The following ELP3 variants were observed in gnomAD, a reference collection of about 807,000 sequenced individuals.
ELP3 encodes the protein elongator acetyltransferase complex subunit 3.
ELP3 carries 56 observed loss-of-function variants against 74.9 expected under a neutral mutation model. The observed-to-expected ratio is 0.75, with a 90% CI of 0.60 to 0.93. ELP3 has a LOEUF of 0.93. Ranked by LOEUF, ELP3 falls within the 40% of genes least tolerant of loss-of-function variation. The pLI is 0.00. For synonymous variants in ELP3, 222 were observed against 239.8 expected, an observed-to-expected ratio of 0.93 and a Z score of 0.68; for missense variants, 573 against 686.5, an observed-to-expected ratio of 0.83 and a Z score of 1.85.
intron 3 of ELP3, among the ~76,000 whole-genome samples, chr8:28,104,990 G>A (rs57145040): frequency 0.075 from 11,478 of 152,234 alleles, 833 homozygotes; most frequent in East Asian, 0.33. Context: ...AATTATTGTG[G>A]ACTTGACCAG....
At chr8:28,129,990 A>G (rs748970658) in intron 8 of ELP3, among the ~76,000 whole-genome samples, 1 of 152,220 alleles carries the variant, frequency 6.6e-6, no homozygotes, top group Non-Finnish European at 1.5e-5. Flanking sequence ...GGCCAAGAAC[A>G]AAGAAAAGAG....
intron 7 of ELP3, among the ~76,000 whole-genome samples, chr8:28,119,575 TATATA>T (rs1563257203): frequency 0.03 from 8 of 268 alleles, no homozygotes; most frequent in African/African-American, 0.053. Context: ...TGGCGTTTTA[TATATA>T]TATATATATA....
At chr8:28,182,314 C>G (rs1815046161) in intron 14 of ELP3, among the ~76,000 whole-genome samples, 1 of 152,156 alleles carries the variant, frequency 6.6e-6, no homozygotes, top group African/African-American at 2.4e-5. Context: ...AATCCCAGCA[C>G]GTTGGGAGGC....
intron 1 of ELP3, among the ~76,000 whole-genome samples, chr8:28,094,305 A>G (rs1368669011): frequency 6.6e-6 from 1 of 152,208 alleles, no homozygotes; most frequent in Admixed American, 6.5e-5. Flanking sequence ...CTTCATCACT[A>G]ACTAATATTT....
chr8:28,114,125 A>C (rs1269563808), intron 7 of ELP3, among the ~76,000 whole-genome samples: 1 of 151,586 alleles, frequency 6.6e-6, no homozygotes, highest in Non-Finnish European at 1.5e-5. Context: ...TATTTAACAA[A>C]TCCTTCTTGA....
chr8:28,167,313 G>C (rs577428816), intron 14 of ELP3, among the ~76,000 whole-genome samples: 1 of 152,300 alleles, frequency 6.6e-6, no homozygotes, highest in East Asian at 1.9e-4. Flanking sequence ...GCAGTTAATG[G>C]TCTTGTTTGC....
At chr8:28,183,347 A>T (rs1422963744) in intron 14 of ELP3, 1 of 405,718 alleles carries the variant, frequency 2.5e-6, no homozygotes, top group Non-Finnish European at 4.9e-6. Flanking sequence ...GAGTAGGGAA[A>T]AGGTCATGTA....
upstream of ELP3, among the ~76,000 whole-genome samples, chr8:28,090,985 C>A (rs1405734213): frequency 2.7e-5 from 4 of 148,130 alleles, no homozygotes; most frequent in African/African-American, 7.5e-5. Context: ...CGGCTCACTG[C>A]AAGCTCTGCC....
At chr8:28,096,970 T>C (rs1811276426) in intron 1 of ELP3, among the ~76,000 whole-genome samples, 1 of 152,246 alleles carries the variant, frequency 6.6e-6, no homozygotes, top group African/African-American at 2.4e-5. Context: ...CCTGTATTTA[T>C]TTTTAATAAT....
chr8:28,161,960 C>G, intron 13 of ELP3, 37 bp from the exon 14 acceptor site: 1 of 1,607,940 alleles, frequency 6.2e-7, no homozygotes, highest in East Asian at 2.2e-5. Flanking sequence ...AACTTCCTTC[C>G]TTTTTAATTC....
At chr8:28,117,935 A>G (rs1001543836) in intron 7 of ELP3, among the ~76,000 whole-genome samples, 1 of 152,164 alleles carries the variant, frequency 6.6e-6, no homozygotes, top group Non-Finnish European at 1.5e-5. Flanking sequence ...AGCCCAGAGA[A>G]GTTGTGGTTT....
At chr8:28,129,472 C>G in intron 7 of ELP3, 30 bp from the exon 8 acceptor site, 1 of 1,612,440 alleles carries the variant, frequency 6.2e-7, no homozygotes, top group Non-Finnish European at 8.5e-7. Context: ...AAACCTGCAA[C>G]AGGTTAATTA....
Position 28,113,109 on chromosome 8 carries a change from T to C in ELP3, c.553T>C (p.Phe185Leu). Reference protein sequence around the residue: ...MALPEEYRDYFIRNLHDALSG... With the variant: ...MALPEEYRDYLIRNLHDALSG... ...CCTTCCAGAAGAATACAGAGATTAT[T>C]TTATTCGAAATTTACATGATGCCTT... Residue 185 changes from phenylalanine to leucine, a missense_variant, in exon 7 of 15, where the codon TTT (phenylalanine) becomes CTT (leucine). Physicochemically the swap from Phe to Leu is conservative, Grantham distance 22 (BLOSUM62 0). Transcript: ENST00000256398. 1.2e-6 allele frequency: 2 copies of C among 1,614,034 alleles called. No homozygotes were observed. The highest frequency in any genetic ancestry group is 1.7e-6 in the Non-Finnish European group (2 of 1,179,952).
At chr8:28,176,496 A>T (rs1368946061) in intron 14 of ELP3, among the ~76,000 whole-genome samples, 6 of 152,064 alleles carry the variant, frequency 3.9e-5, no homozygotes, top group Non-Finnish European at 7.4e-5. Context: ...GGAATGGGGG[A>T]TGGTTGGTGG....
intron 3 of ELP3, among the ~76,000 whole-genome samples, chr8:28,101,101 TTTTG>T (rs143836058): frequency 0.027 from 4,177 of 152,168 alleles, 211 homozygotes; most frequent in African/African-American, 0.096. Flanking sequence ...TTTTGTTTTG[TTTTG>T]TTTGTTTGTA....
At chr8:28,108,013 C>T in intron 5 of ELP3, 37 bp downstream of exon 5, 2 of 1,553,858 alleles carry the variant, frequency 1.3e-6, no homozygotes, top group Non-Finnish European at 1.8e-6. Context: ...TGAAATGTTG[C>T]ATCATGCTTT....
chr8:28,136,403 A>G (rs1019955232), intron 9 of ELP3, among the ~76,000 whole-genome samples: 8 of 152,348 alleles, frequency 5.3e-5, no homozygotes, highest in African/African-American at 1.9e-4. Flanking sequence ...AACTTATTAT[A>G]CAAGCACCAG....
At chr8:28,120,738 A>G (rs924383397) in intron 7 of ELP3, among the ~76,000 whole-genome samples, 7 of 152,138 alleles carry the variant, frequency 4.6e-5, no homozygotes, top group Non-Finnish European at 1.0e-4. Flanking sequence ...TGAGGTGGGG[A>G]TCAAGGTTCC....
intron 2 of ELP3, among the ~76,000 whole-genome samples, 174 bp from the exon 3 acceptor site, chr8:28,099,654 C>T (rs578055269): frequency 3.9e-5 from 6 of 152,318 alleles, no homozygotes; most frequent in South Asian, 4.1e-4. Context: ...GTCATTCACT[C>T]GTGAATTTTA....
Sources: gnomAD v4.1 joint callset for allele counts (sites outside exome capture counted in the v4.1 genomes callset) on GRCh38, gnomAD v4.1.1 for gene constraint, MANE v1.5 for transcripts, NCBI Gene and HGNC (gene_info 2026-07-23, HGNC 2026-07-21) for gene names.